NASP: variants seen among roughly 807,000 people sequenced by gnomAD.
NASP encodes the protein nuclear autoantigenic sperm protein.
NASP carries 24 observed loss-of-function variants against 89.5 expected under a neutral mutation model. The ratio of observed to expected loss-of-function variants is 0.27; its 90% confidence interval spans 0.19 to 0.38. NASP has a LOEUF of 0.38. NASP is among the 10% of genes least tolerant of loss of function. The pLI is 1.00. For synonymous variants in NASP, 306 were observed against 324.7 expected, an observed-to-expected ratio of 0.94 and a Z score of 0.62; for missense variants, 848 against 921.4, an observed-to-expected ratio of 0.92 and a Z score of 1.03.
In NASP at chr1:45,618,141, A is replaced by G. The variant is rs569115850; in HGVS notation, c.2367A>G (p.Ter789=). ...CTACAGTTGAAAGCACTGCATGTTAAGAGGGGGCACAGCCCTCCTCCCAAG... is the reference window on the plus strand; with the variant it reads ...CTACAGTTGAAAGCACTGCATGTTAGGAGGGGGCACAGCCCTCCTCCCAAG... ...AGATVESTAC[*] Residue 789 remains the stop codon, a stop_retained_variant, in exon 15 of 15, where the codon TAA becomes TAG. Coordinates refer to ENST00000350030, the MANE Select transcript of NASP (RefSeq NM_002482.4). 2.5e-6 allele frequency: 4 copies of G among 1,588,014 alleles called. No homozygotes were observed. Among genetic ancestry groups the G allele is most frequent in the Non-Finnish European group, 3.4e-6 (4 of 1,166,238 alleles).
chr1:45,584,078 G>A lies in NASP; in HGVS notation c.-69G>A, dbSNP rs1644488955. 3 of 1,438,172 alleles carry A rather than the reference G, an allele frequency of 2.1e-6. No homozygotes were observed. The highest frequency in any genetic ancestry group is 2.5e-5 in the South Asian group (2 of 81,282). 89.1% of individuals were successfully genotyped at this position (1,438,172 alleles called of 1,614,324 possible). The stretch of plus-strand genomic sequence containing the variant: ...ATTTTCTGTCCCTGAGTGAGTCTCT[G>A]GCGTCCCAAATTGCCTGTTTTTCTC... On this transcript the variant is annotated 5_prime_UTR_variant, in exon 1 of 15. Transcript: ENST00000350030.
rs1481157456 is a variant in NASP, at chr1:45,615,109, A to G, written c.1763A>G (p.Tyr588Cys). Residue 588 changes from tyrosine to cysteine, a missense_variant, in exon 10 of 15, where the codon TAC (tyrosine) becomes TGC (cysteine). By Grantham distance (194) the Tyr-to-Cys change is radical (BLOSUM62 -2). Transcript: ENST00000350030. ...AHDRLLAETH[Y>C]QLGLAYGYNS... ...GACCGTCTCCTTGCAGAGACCCACT[A>G]CCAGCTGGGCTTGGCTTATGGGTAC... The G allele has an allele frequency of 6.2e-7, 1 of 1,614,148 alleles. No individual in the cohort carries two copies. The highest frequency in any genetic ancestry group is 8.5e-7 in the Non-Finnish European group (1 of 1,180,010).
chr1:45,607,701 G>A lies in NASP; in HGVS notation c.790G>A (p.Gly264Arg), dbSNP rs199792714. The A allele has an allele frequency of 5.6e-6, 9 of 1,614,052 alleles. 1 individual carries two copies. Among genetic ancestry groups the A allele is most frequent in the Admixed American group, 3.3e-5 (2 of 60,004 alleles). Residue 264 changes from glycine to arginine, a missense_variant, in exon 6 of 15, where the codon GGA becomes AGA. By Grantham distance (125) the Gly-to-Arg change is moderately radical. This residue lies in a region of NASP where 464 missense variants were observed against 469.4 expected (regional missense o/e 0.99). Transcript: ENST00000350030. ...CREKGGQEKQ[G>R]EVIVSIEEKP... is the part of the protein sequence containing the mutation. ...AGAAAAAGGAGGTCAGGAGAAGCAG[G>A]GAGAGGTAATTGTGAGCATAGAGGA...
intron 2 of NASP, among the ~76,000 whole-genome samples, chr1:45,592,416 T>A (rs1238678112): frequency 6.6e-6 from 1 of 152,244 alleles, no homozygotes; most frequent in Non-Finnish European, 1.5e-5. Flanking sequence ...CCCAGCTGAT[T>A]TTATTTGTTG....
At chr1:45,606,677 T>G in intron 5 of NASP, 86 bp downstream of exon 5, 1 of 888,808 alleles carries the variant, frequency 1.1e-6, no homozygotes, top group Non-Finnish European at 1.8e-6. Context: ...CTACCTGTCC[T>G]GGATGGTCTC....
intron 1 of NASP, among the ~76,000 whole-genome samples, chr1:45,586,421 G>T (rs977083166): frequency 1.3e-5 from 2 of 151,862 alleles, no homozygotes; most frequent in Non-Finnish European, 2.9e-5. Flanking sequence ...GAGTAGCTGG[G>T]ACTGCAGGCG....
intron 4 of NASP, chr1:45,605,696 A>C (rs991164796): frequency 3.3e-5 from 5 of 151,784 alleles, no homozygotes; most frequent in Non-Finnish European, 7.3e-5. Flanking sequence ...TCCTGACCTC[A>C]GGTGATCCAC....
intron 2 of NASP, among the ~76,000 whole-genome samples, chr1:45,598,492 TG>T (rs1424291224): frequency 1.3e-5 from 2 of 152,198 alleles, no homozygotes; most frequent in Admixed American, 6.5e-5. Context: ...CTCTAAATGT[TG>T]GAAGGCTCCC....
chr1:45,590,583 A>G (rs1171548040), intron 1 of NASP, among the ~76,000 whole-genome samples: 2 of 150,018 alleles, frequency 1.3e-5, no homozygotes, highest in Non-Finnish European at 3.0e-5. Flanking sequence ...GAAATTTATC[A>G]CTGATAAATG....
chr1:45,603,232 G>A (rs899354495), intron 3 of NASP, among the ~76,000 whole-genome samples: 3 of 152,120 alleles, frequency 2.0e-5, no homozygotes, highest in African/African-American at 4.8e-5. Flanking sequence ...AAGTTAAATC[G>A]TCAAGCAACA....
intron 1 of NASP, among the ~76,000 whole-genome samples, chr1:45,586,259 TGTGTGTGTGTGTGTGTGTGTGTGTG>T (rs1362394158): frequency 3.1e-4 from 19 of 61,256 alleles, no homozygotes; most frequent in Admixed American, 6.0e-4. Flanking sequence ...TGTGTGTGTG[TGTGTGTGTGTGTGTGTGTGTGTGTG>T]GTGTGTGTGT....
intron 2 of NASP, among the ~76,000 whole-genome samples, chr1:45,601,558 A>T (rs990351115): frequency 6.6e-6 from 1 of 152,096 alleles, no homozygotes; most frequent in Non-Finnish European, 1.5e-5. Flanking sequence ...ACATTGTCTT[A>T]ATCTTGAAAT....
intron 1 of NASP, among the ~76,000 whole-genome samples, chr1:45,590,504 CG>C (rs1270664469): frequency 2.7e-5 from 4 of 146,630 alleles, no homozygotes; most frequent in African/African-American, 7.6e-5. Context: ...AGCCGGAGAT[CG>C]TGCCAGGGCA....
At chr1:45,596,290 G>T (rs1643692694) in intron 2 of NASP, among the ~76,000 whole-genome samples, 1 of 152,138 alleles carries the variant, frequency 6.6e-6, no homozygotes, top group South Asian at 2.1e-4. Context: ...AGTCAGTAGT[G>T]TTAAGTAAAT....
intron 11 of NASP, 88 bp downstream of exon 11, chr1:45,615,559 G>T: frequency 4.5e-6 from 6 of 1,319,698 alleles, no homozygotes; most frequent in Non-Finnish European, 6.3e-6. Flanking sequence ...TCATGACTTG[G>T]TTTCCAGGGA....
chr1:45,605,651 A>G (rs7545118), intron 4 of NASP: 106,497 of 151,852 alleles, frequency 0.7, 37,452 homozygotes, highest in Non-Finnish European at 0.71. Flanking sequence ...TAGTAGAGAC[A>G]GGGTTTCACC....
rs1336861350 is a variant in NASP, at chr1:45,608,128, A to G, written c.1217A>G (p.Asp406Gly). The G allele has an allele frequency of 3.1e-6, 5 of 1,614,114 alleles. No individual in the cohort carries two copies. In the Admixed American group the frequency reaches 8.3e-5, roughly 27 times the overall value. Residue 406 changes from aspartate (D) to glycine (G), a missense_variant, in exon 6 of 15, where the codon GAT (aspartate) becomes GGT (glycine). Transcript: ENST00000350030. ...TSIERLTETK[D>G]GSGLEEKVRA... ...ATAGAAAGACTGACAGAAACAAAAGATGGCTCAGGACTAGAGGAGAAGGTC... is the reference window on the plus strand; with the variant it reads ...ATAGAAAGACTGACAGAAACAAAAGGTGGCTCAGGACTAGAGGAGAAGGTC...
At chr1:45,613,997 T>G in intron 7 of NASP, 99 bp from the exon 8 acceptor site, 5 of 918,018 alleles carry the variant, frequency 5.4e-6, no homozygotes, top group Non-Finnish European at 8.4e-6. Context: ...GTCCAAATTT[T>G]GAATCGTATA....
chr1:45,593,199 C>A (rs1332154657), intron 2 of NASP, among the ~76,000 whole-genome samples: 3 of 151,850 alleles, frequency 2.0e-5, no homozygotes, highest in East Asian at 1.9e-4. Flanking sequence ...TTGATGAATC[C>A]AATTTTTATG....
Sources: gnomAD v4.1 joint callset for allele counts (sites outside exome capture counted in the v4.1 genomes callset) on GRCh38, gnomAD v4.1.1 for gene constraint, gnomAD v4.1.1 regional missense constraint, MANE v1.5 for transcripts, NCBI Gene and HGNC (gene_info 2026-07-23, HGNC 2026-07-21) for gene names.